The following GAB2 variants were observed in gnomAD, a reference collection of about 807,000 sequenced individuals.
GAB2 encodes GRB2 associated binding protein 2, also known as GRB2-associated-binding protein 2.
A neutral mutation model predicts 65.5 loss-of-function variants in GAB2; 26 were observed. The observed-to-expected ratio is 0.40, with a 90% confidence interval of 0.29 to 0.55. The LOEUF (loss-of-function observed/expected upper bound fraction) is 0.55. Among genes scored for constraint, GAB2 ranks in the 20% least tolerant of loss-of-function variants. The probability of loss-of-function intolerance (pLI) is 0.53; values close to 1 mark genes in which losing one functional copy is unlikely to be tolerated. For synonymous variants in GAB2, 321 were observed against 329.6 expected (o/e 0.97, Z 0.28); for missense variants, 884 against 875.8 (o/e 1.01, Z -0.12).
chr11:78,244,400 G>GAA (rs1203478600), intron 3 of GAB2, among the ~76,000 whole-genome samples: 2 of 141,764 alleles, frequency 1.4e-5, no homozygotes, highest in South Asian at 2.2e-4. Flanking sequence ...TCAAAAGAAA[G>GAA]AAAAAAAAAA....
At chr11:78,316,646 G>A (rs1855612676) in intron 1 of GAB2, among the ~76,000 whole-genome samples, 1 of 152,198 alleles carries the variant, frequency 6.6e-6, no homozygotes, top group African/African-American at 2.4e-5. Flanking sequence ...AAGTGTTGGT[G>A]AGAATATGGA....
intron 1 of GAB2, among the ~76,000 whole-genome samples, chr11:78,314,605 T>C (rs1855563757): frequency 2.0e-5 from 3 of 152,344 alleles, no homozygotes; most frequent in South Asian, 4.1e-4. Flanking sequence ...GTTACAAGTA[T>C]AACATGTTAT....
At chr11:78,234,120 G>A (rs547413986) in intron 3 of GAB2, among the ~76,000 whole-genome samples, 20 of 151,782 alleles carry the variant, frequency 1.3e-4, no homozygotes, top group African/African-American at 3.4e-4. Context: ...TTATTCTGTC[G>A]CCCAGGCTGG....
intron 1 of GAB2, among the ~76,000 whole-genome samples, chr11:78,349,107 T>C (rs1856235195): frequency 6.6e-6 from 1 of 152,210 alleles, no homozygotes; most frequent in Admixed American, 6.5e-5. Context: ...TAGTACTTGT[T>C]TCATGAGTAC....
intron 1 of GAB2, among the ~76,000 whole-genome samples, chr11:78,403,651 G>A (rs750626988): frequency 1.8e-4 from 28 of 152,136 alleles, no homozygotes; most frequent in Admixed American, 6.5e-4. Flanking sequence ...AAAATATTGA[G>A]GAAATGCTCC....
intron 1 of GAB2, among the ~76,000 whole-genome samples, chr11:78,326,549 T>C (rs1481239124): frequency 6.6e-6 from 1 of 152,198 alleles, no homozygotes; most frequent in East Asian, 1.9e-4. Flanking sequence ...GGCCTTCCTG[T>C]AGGAATAAGA....
At chr11:78,269,298 A>G (rs1399756991) in intron 2 of GAB2, among the ~76,000 whole-genome samples, 1 of 152,152 alleles carries the variant, frequency 6.6e-6, no homozygotes, top group Admixed American at 6.5e-5. Context: ...GTCTGATTTC[A>G]GTTAATAAAA....
intron 1 of GAB2, among the ~76,000 whole-genome samples, chr11:78,300,690 T>G (rs1210177641): frequency 7.2e-6 from 1 of 138,668 alleles, no homozygotes; most frequent in Non-Finnish European, 1.5e-5. Flanking sequence ...TTTTGGTTTT[T>G]TTTTGTTTTT....
At position 78,216,116 on chromosome 11, in the gene GAB2, G is replaced by A. The variant is rs932652256; in HGVS notation, c.*3156C>T. On this transcript the variant is annotated 3_prime_UTR_variant, in exon 10 of 10. Coordinates refer to ENST00000361507, the MANE Select transcript of GAB2 (RefSeq NM_080491.3). ...CCCTTCAAGCAGCTGAGCACCAGCT[G>A]TGGATGGGACCTCAGCGCAGCTAAT... 4 of 152,716 alleles carry A rather than the reference G, an allele frequency of 2.6e-5. No individual in the cohort carries two copies. The highest frequency in any genetic ancestry group is 5.9e-5 in the Non-Finnish European group (4 of 68,074). 9.5% of individuals were successfully genotyped at this position (152,716 alleles called of 1,614,324 possible).
chr11:78,350,030 T>C (rs1856252207), intron 1 of GAB2, among the ~76,000 whole-genome samples: 1 of 152,212 alleles, frequency 6.6e-6, no homozygotes, highest in African/African-American at 2.4e-5. Flanking sequence ...CTTATTCTCT[T>C]TGAGTTGGCT....
At chr11:78,411,816 G>A (rs1023262503) in intron 1 of GAB2, among the ~76,000 whole-genome samples, 1 of 151,986 alleles carries the variant, frequency 6.6e-6, no homozygotes, top group African/African-American at 2.4e-5. Context: ...CGGATCACGA[G>A]GTCAAGAGAT....
chr11:78,400,209 ATT>A (rs1234700114), intron 1 of GAB2, among the ~76,000 whole-genome samples: 2 of 152,024 alleles, frequency 1.3e-5, no homozygotes, highest in African/African-American at 4.8e-5. Flanking sequence ...CCTCTTTCTC[ATT>A]TTGAACACCA....
At chr11:78,384,635 T>G (rs1856742790) in intron 1 of GAB2, among the ~76,000 whole-genome samples, 1 of 152,132 alleles carries the variant, frequency 6.6e-6, no homozygotes, top group African/African-American at 2.4e-5. Context: ...GCCCATGAGC[T>G]GGGAGAGGAG....
intron 2 of GAB2, among the ~76,000 whole-genome samples, chr11:78,263,733 C>CT (rs778992749): frequency 1.3e-5 from 2 of 151,060 alleles, no homozygotes; most frequent in Non-Finnish European, 2.9e-5. Context: ...ACCATTTATT[C>CT]TTTTTCCATA....
At chr11:78,412,329 C>G (rs1442528971) in intron 1 of GAB2, among the ~76,000 whole-genome samples, 1 of 152,108 alleles carries the variant, frequency 6.6e-6, no homozygotes, top group African/African-American at 2.4e-5. Flanking sequence ...TGAAATACTA[C>G]TTAGCAATAA....
chr11:78,341,941 C>A, intron 1 of GAB2: 2 of 952,306 alleles, frequency 2.1e-6, no homozygotes, highest in African/African-American at 1.8e-5. Context: ...AGAATCTCCA[C>A]CAGCCTGTGT....
intron 2 of GAB2, among the ~76,000 whole-genome samples, chr11:78,252,634 G>C (rs1234937185): frequency 2.0e-5 from 3 of 152,146 alleles, no homozygotes; most frequent in Non-Finnish European, 4.4e-5. Flanking sequence ...TCCCGCTGAA[G>C]ACTCTCCAGC....
intron 1 of GAB2, among the ~76,000 whole-genome samples, chr11:78,371,354 G>A (rs140883286): frequency 2.0e-5 from 3 of 152,204 alleles, no homozygotes; most frequent in Non-Finnish European, 4.4e-5. Flanking sequence ...GTTGTGAAAC[G>A]CCAAGTAGGT....
chr11:78,257,699 C>T (rs866489444), intron 2 of GAB2, among the ~76,000 whole-genome samples: 4 of 152,072 alleles, frequency 2.6e-5, no homozygotes, highest in East Asian at 1.9e-4. Flanking sequence ...AGATGGTATA[C>T]GGGGAATTAA....
Sources: gnomAD v4.1 joint callset for allele counts (sites outside exome capture counted in the v4.1 genomes callset) on GRCh38, gnomAD v4.1.1 for gene constraint, MANE v1.5 for transcripts, NCBI Gene and HGNC (gene_info 2026-07-23, HGNC 2026-07-21) for gene names.